Variants in ABCA8 observed in about 807,000 individuals in gnomAD.
The protein encoded by ABCA8 is ABC-type organic anion transporter ABCA8.
A neutral mutation model predicts 192.3 loss-of-function variants in ABCA8; 177 were observed. The observed-to-expected ratio is 0.92, with a 90% CI of 0.81 to 1.04. ABCA8 has a LOEUF of 1.04. ABCA8 is among the 50% of genes least tolerant of loss of function. The pLI is 0.00. For synonymous variants in ABCA8, 642 were observed against 690.2 expected (o/e 0.93, Z 1.09); for missense variants, 1,915 against 1,904.8 (o/e 1.01, Z -0.10).
intron 21 of ABCA8, among the ~76,000 whole-genome samples, chr17:68,898,633 A>G (rs977752480): frequency 6.6e-6 from 1 of 152,178 alleles, no homozygotes; most frequent in African/African-American, 2.4e-5. Flanking sequence ...CAGTATGTAT[A>G]TAATTTTATT....
At chr17:68,870,536 C>A (rs1450976892) in intron 37 of ABCA8, among the ~76,000 whole-genome samples, 1 of 152,172 alleles carries the variant, frequency 6.6e-6, no homozygotes, top group African/African-American at 2.4e-5. Flanking sequence ...TCTCCCCAGC[C>A]TAGTACTATT....
In ABCA8 at chr17:68,948,431, C is replaced by T. The variant is rs139073482; in HGVS notation, c.-6+881G>A. ...TATTGTTTCCTGACTTTTTAATAAT[C>T]GCCATTCTGACTGGCATGAAATGAT... On this transcript the variant is annotated intron_variant, in intron 2 of 39. Transcript: ENST00000586539. Among the ~76,000 whole-genome samples, 495 of 152,218 alleles carry T rather than the reference C, an allele frequency of 3.3e-3. 3 individuals carry two copies. Among genetic ancestry groups the T allele is most frequent in the African/African-American group, 0.012 (479 of 41,550 alleles).
intron 6 of ABCA8, 66 bp downstream of exon 6, chr17:68,933,102 T>A: frequency 8.8e-7 from 1 of 1,141,806 alleles, no homozygotes; most frequent in Non-Finnish European, 1.3e-6. Context: ...TCCATGAAAC[T>A]TTTGATGCCT....
intron 3 of ABCA8, 142 bp downstream of exon 3, chr17:68,941,797 A>T (rs1373854700): frequency 1.8e-6 from 1 of 549,608 alleles, no homozygotes; most frequent in African/African-American, 1.9e-5. Flanking sequence ...CCTGAAGAAT[A>T]GCGTTTTCTG....
In ABCA8 at chr17:68,936,967, C is replaced by T; in HGVS notation, c.450G>A (p.Glu150=). The T allele has an allele frequency of 1.2e-6, 2 of 1,600,978 alleles. No homozygotes were observed. The highest frequency in any genetic ancestry group is 1.7e-6 in the Non-Finnish European group (2 of 1,175,664). The part of the protein sequence containing the change: ...LLGHGMPAKK[E]HKDHTAHCYE... ...TAAAATTACCTGTATGGTCCTTGTG[C>T]TCCTTCTTTGCTGGCATTCCATGTC... The change falls in exon 5 of 40, where the codon GAG becomes GAA. Residue 150 remains glutamate (E), a synonymous_variant. Coordinates refer to ENST00000586539, the MANE Select transcript of ABCA8 (RefSeq NM_001288985.2).
At chr17:68,907,630 G>A in intron 18 of ABCA8, 110 bp downstream of exon 18, 1 of 970,882 alleles carries the variant, frequency 1.0e-6, no homozygotes, top group Non-Finnish European at 1.4e-6. Flanking sequence ...TTATGTTTCA[G>A]TACCTGAGCA....
chr17:68,949,242 C>A (rs1420614137), intron 2 of ABCA8, 70 bp downstream of exon 2: 1 of 151,992 alleles, frequency 6.6e-6, no homozygotes, highest in Non-Finnish European at 1.5e-5. Context: ...AAGACTAAAC[C>A]AGGAAAAAGT....
intron 37 of ABCA8, among the ~76,000 whole-genome samples, chr17:68,874,589 T>C (rs766748152): frequency 1.3e-5 from 2 of 152,246 alleles, no homozygotes; most frequent in African/African-American, 2.4e-5. Flanking sequence ...CATTGAATTA[T>C]AGCATTGCTT....
chr17:68,919,491 A>G lies in ABCA8; in HGVS notation c.1613-15T>C, dbSNP rs750020564. Reference sequence around the variant, plus strand: ...GGTGACTGAACCTGTAACAAAGGAAAAGTTAATATCAAGATAAGGCTTAAG... The same window carrying G: ...GGTGACTGAACCTGTAACAAAGGAAGAGTTAATATCAAGATAAGGCTTAAG... On this transcript the variant is annotated splice_polypyrimidine_tract_variant and intron_variant, in intron 13 of 39. Coordinates refer to ENST00000586539, the MANE Select transcript of ABCA8 (RefSeq NM_001288985.2). 2 of 1,602,614 alleles carry G rather than the reference A, an allele frequency of 1.2e-6. No homozygotes were observed. The highest frequency in any genetic ancestry group is 4.5e-5 in the East Asian group (2 of 44,770).
chr17:68,933,239 A>G lies in ABCA8; in HGVS notation c.499T>C (p.Cys167Arg), dbSNP rs2067959385. The G allele has an allele frequency of 1.2e-6, 2 of 1,612,664 alleles. No individual in the cohort carries two copies. Among genetic ancestry groups the G allele is most frequent in the Admixed American group, 3.3e-5 (2 of 59,748 alleles). The change falls in exon 6 of 40, where the codon TGT (cysteine) becomes CGT (arginine). Residue 167 changes from cysteine to arginine, a missense_variant. Transcript: ENST00000586539. ...TCCTTCCAAAATACTGAAACTTCAC[A>G]GTAAACATCTTCATTTGTTTCATAA... ...HCYETNEDVY[C>R]EVSVFWKEGF...
In ABCA8 at chr17:68,868,334, C is replaced by A; in HGVS notation, c.4734G>T (p.Glu1578Asp). Residue 1578 changes from glutamate (E) to aspartate (D), a missense_variant, in exon 39 of 40, where the codon GAG (glutamate) becomes GAT (aspartate). Physicochemically the swap from Glu to Asp is conservative, Grantham distance 45. Coordinates refer to ENST00000586539, the MANE Select transcript of ABCA8 (RefSeq NM_001288985.2). ...GGGTAGACTGTGAGAGGCTGTACTC[C>A]TCTAGGTCAAAGCTCTGTTTAACTG... ...LEKVKQSFDL[E>D]EYSLSQSTLE... 1 of 1,613,726 alleles carries A rather than the reference C, an allele frequency of 6.2e-7. No individual in the cohort carries two copies.
At position 68,940,856 on chromosome 17, in the gene ABCA8, T is replaced by A; in HGVS notation, c.203A>T (p.Asp68Val). The change falls in exon 4 of 40, where the codon GAT becomes GTT. Residue 68 changes from aspartate to valine, a missense_variant. Physicochemically the swap from Asp to Val is radical, Grantham distance 152. Transcript: ENST00000586539. ...AGAAAATCTGGATTCATTAAATGTA[T>A]CTACCCGTCCCAGGTCCATGGTAAG... ...SLLTMDLGRVDTFNESRFSVV... is the reference protein window; with the variant it reads ...SLLTMDLGRVVTFNESRFSVV... 6.2e-7 allele frequency: 1 copy of A among 1,613,440 alleles called. No homozygotes were observed. Among genetic ancestry groups the A allele is most frequent in the African/African-American group, 1.3e-5 (1 of 75,004 alleles).
intron 9 of ABCA8, 126 bp from the exon 10 acceptor site, chr17:68,928,189 A>T (rs933865464): frequency 1.4e-5 from 10 of 697,184 alleles, no homozygotes; most frequent in Admixed American, 4.1e-5. Context: ...ATATAGGGAG[A>T]CTGCCTCCTT....
chr17:68,895,781 T>C (rs1257128028), intron 21 of ABCA8, among the ~76,000 whole-genome samples: 2 of 152,158 alleles, frequency 1.3e-5, no homozygotes, highest in South Asian at 2.1e-4. Context: ...TTGCAGAAGA[T>C]CAATACCAGG....
At chr17:68,925,799 G>T (rs917728094) in intron 10 of ABCA8, among the ~76,000 whole-genome samples, 3 of 152,250 alleles carry the variant, frequency 2.0e-5, no homozygotes, top group Admixed American at 6.5e-5. Context: ...GATTTACCAT[G>T]AAATAATGCT....
In ABCA8 at chr17:68,933,292, T is replaced by C. The variant is rs139922238; in HGVS notation, c.467-21A>G. 205 of 1,415,128 alleles carry C rather than the reference T, an allele frequency of 1.4e-4. 2 individuals carry two copies. The East Asian group carries it at 4.6e-3, about 32-fold the overall frequency. The allele number at this position is 1,415,128 out of a possible 1,614,324, so 87.7% of individuals were successfully genotyped here. A position where few individuals can be genotyped will look rare whatever the true frequency, so the allele number is the denominator to read the frequency against. On this transcript the variant is annotated intron_variant, in intron 5 of 39. Transcript: ENST00000586539. ...ATGAGCTTTGTGAAAAAACAAATCA[T>C]AACTATCATTACATCACTATCTATA...
At chr17:68,885,084 T>C (rs1336259648) in intron 27 of ABCA8, 112 bp downstream of exon 27, 11 of 1,278,040 alleles carry the variant, frequency 8.6e-6, no homozygotes, top group Admixed American at 2.6e-5. Context: ...CAGGCAGAAA[T>C]CTTTGAACCC....
rs1567824301 is a variant in ABCA8, at chr17:68,881,898, A to T, written c.3911T>A (p.Ile1304Lys). 1 of 1,613,962 alleles carries T rather than the reference A, an allele frequency of 6.2e-7. No individual in the cohort carries two copies. The highest frequency in any genetic ancestry group is 1.1e-5 in the South Asian group (1 of 91,080). Residue 1304 changes from isoleucine to lysine, a missense_variant, in exon 31 of 40, where the codon ATA (isoleucine) becomes AAA (lysine). Coordinates refer to ENST00000586539, the MANE Select transcript of ABCA8 (RefSeq NM_001288985.2). ...ACAGAAGGAGACATTTCTCGTGGCT[A>T]TCTTATTCTTCCTCTTGGAAAAACA... Reference protein sequence around the residue: ...KGCFSKRKNKIATRNVSFCVR... With the variant: ...KGCFSKRKNKKATRNVSFCVR...
chr17:68,893,461 A>T (rs1402208143), intron 23 of ABCA8, among the ~76,000 whole-genome samples: 1 of 152,168 alleles, frequency 6.6e-6, no homozygotes, highest in Admixed American at 6.5e-5. Flanking sequence ...TTTGACAAGA[A>T]TCTGCAGTAA....
Sources: gnomAD v4.1 joint callset for allele counts (sites outside exome capture counted in the v4.1 genomes callset) on GRCh38, gnomAD v4.1.1 for gene constraint, MANE v1.5 for transcripts, NCBI Gene and HGNC (gene_info 2026-07-23, HGNC 2026-07-21) for gene names.